The following SMAD1 variants were observed in gnomAD, a reference collection of about 807,000 sequenced individuals.
The protein encoded by SMAD1 is SMAD family member 1.
SMAD1 carries 6 observed loss-of-function variants against 41.6 expected under a neutral mutation model. That is an observed-to-expected ratio of 0.14 (90% confidence interval 0.08 to 0.28). The LOEUF (loss-of-function observed/expected upper bound fraction) is 0.28, where lower values mean the gene tolerates loss of function less well. Ranked by LOEUF, SMAD1 falls within the 10% of genes least tolerant of loss-of-function variation. The pLI, the probability that SMAD1 is intolerant of heterozygous loss-of-function variation, is 1.00. For synonymous variants in SMAD1, 206 were observed against 203.2 expected, an observed-to-expected ratio of 1.01 and a Z score of -0.12; for missense variants, 379 against 582.6, an observed-to-expected ratio of 0.65 and a Z score of 3.60.
At chr4:145,484,814 A>G (rs1202331289) in intron 1 of SMAD1, 1 of 152,182 alleles carries the variant, frequency 6.6e-6, no homozygotes, top group East Asian at 1.9e-4. Flanking sequence ...ATATCAGTGG[A>G]CCACATACTT....
chr4:145,525,869 G>T (rs1404327959), intron 2 of SMAD1: 1 of 152,132 alleles, frequency 6.6e-6, no homozygotes, highest in East Asian at 1.9e-4. Flanking sequence ...ACATTCTGTG[G>T]CTTAAATCAA....
chr4:145,488,476 T>TGTG (rs1728606392), intron 1 of SMAD1, among the ~76,000 whole-genome samples: 22 of 148,734 alleles, frequency 1.5e-4, no homozygotes, highest in Middle Eastern at 3.4e-3. Context: ...CCCTGTCTTT[T>TGTG]TGTGTGTGTG....
In SMAD1 at chr4:145,514,521, C is replaced by T; in HGVS notation, c.-93C>T. 8.1e-7 allele frequency: 1 copy of T among 1,229,116 alleles called. No homozygotes were observed. The highest frequency in any genetic ancestry group is 1.1e-6 in the Non-Finnish European group (1 of 885,666). The allele number at this position is 1,229,116 out of a possible 1,614,324, so 76.1% of individuals were successfully genotyped here. On this transcript the variant is annotated 5_prime_UTR_variant, in exon 2 of 7. Coordinates refer to ENST00000302085, the MANE Select transcript of SMAD1 (RefSeq NM_005900.3). This position sits in a 1 kb window ranked among gnomAD's most constrained non-coding sequence, Gnocchi z 4.7. The stretch of plus-strand genomic sequence containing the variant: ...TCAAACTAAGAAGTTAAAGAGACTT[C>T]TCTGTAAATAAACAAATCTCTTCTG...
intron 1 of SMAD1, chr4:145,502,799 AC>A (rs1317876392): frequency 3.3e-5 from 5 of 152,218 alleles, no homozygotes; most frequent in African/African-American, 1.2e-4. Flanking sequence ...CAGTGAACTT[AC>A]AAGTGGTAAG....
At chr4:145,508,949 G>A (rs987396632) in intron 1 of SMAD1, among the ~76,000 whole-genome samples, 2 of 152,240 alleles carry the variant, frequency 1.3e-5, no homozygotes, top group East Asian at 3.9e-4. Context: ...TTCTAATTCT[G>A]TCACCTTTGG....
At chr4:145,490,743 G>A (rs1042034834) in intron 1 of SMAD1, among the ~76,000 whole-genome samples, 1 of 152,120 alleles carries the variant, frequency 6.6e-6, no homozygotes, top group African/African-American at 2.4e-5. Context: ...TGTAGATAGA[G>A]CATTTCCCTA....
intron 3 of SMAD1, among the ~76,000 whole-genome samples, chr4:145,540,291 C>A (rs1469737538): frequency 6.6e-6 from 1 of 152,244 alleles, no homozygotes; most frequent in African/African-American, 2.4e-5. Flanking sequence ...GCTATATTTT[C>A]CCCTTGTTTT....
intron 2 of SMAD1, among the ~76,000 whole-genome samples, chr4:145,516,548 G>T (rs1730401079): frequency 6.6e-6 from 1 of 151,852 alleles, no homozygotes; most frequent in South Asian, 2.1e-4. Flanking sequence ...GTTACATTTT[G>T]TTACAGTTGC....
intron 1 of SMAD1, chr4:145,484,903 T>G (rs1038536444): frequency 6.6e-6 from 1 of 152,210 alleles, no homozygotes; most frequent in Non-Finnish European, 1.5e-5. Flanking sequence ...CTAGTCAAAC[T>G]TACCAGGCCT....
At chr4:145,490,272 G>T (rs2126937111) in intron 1 of SMAD1, among the ~76,000 whole-genome samples, 1 of 152,302 alleles carries the variant, frequency 6.6e-6, no homozygotes, top group Middle Eastern at 3.4e-3. Context: ...GTCTGAGAAA[G>T]AAACAGAATG....
intron 2 of SMAD1, among the ~76,000 whole-genome samples, chr4:145,527,124 A>C (rs1328854071): frequency 1.3e-5 from 2 of 152,132 alleles, no homozygotes; most frequent in African/African-American, 4.8e-5. Flanking sequence ...AAAAGGAATG[A>C]TATTATTAGA....
At chr4:145,502,712 A>G (rs576655253) in intron 1 of SMAD1, among the ~76,000 whole-genome samples, 1 of 152,250 alleles carries the variant, frequency 6.6e-6, no homozygotes, top group South Asian at 2.1e-4. Context: ...TGTCATTCTG[A>G]CATCCATAAG....
intron 2 of SMAD1, among the ~76,000 whole-genome samples, chr4:145,531,466 T>A (rs1489729305): frequency 6.6e-6 from 1 of 152,058 alleles, no homozygotes; most frequent in African/African-American, 2.4e-5. Flanking sequence ...GCCCTGGGCC[T>A]CCTTTCTGCT....
At chr4:145,528,032 T>C (rs1731120073) in intron 2 of SMAD1, among the ~76,000 whole-genome samples, 1 of 150,024 alleles carries the variant, frequency 6.7e-6, no homozygotes, top group African/African-American at 2.5e-5. Flanking sequence ...AGGCATGCAC[T>C]ACCACTCTCG....
chr4:145,546,797 C>G lies in SMAD1; in HGVS notation c.870C>G (p.Ser290=). The change falls in exon 5 of 7, where the codon TCC becomes TCG. Residue 290 remains serine (S), a synonymous_variant. Coordinates refer to ENST00000302085, the MANE Select transcript of SMAD1 (RefSeq NM_005900.3). The part of the protein sequence containing the change: ...NNRVGEAFHA[S]STSVLVDGFT... ...GTGTGGGTGAAGCGTTCCATGCCTC[C>G]TCCACAAGTGTGTTGGTGGATGGTT... 1 of 1,613,776 alleles carries G rather than the reference C, an allele frequency of 6.2e-7. No individual in the cohort carries two copies. Among genetic ancestry groups the G allele is most frequent in the South Asian group, 1.1e-5 (1 of 91,078 alleles).
chr4:145,526,603 G>A (rs763523880), intron 2 of SMAD1, among the ~76,000 whole-genome samples: 75 of 151,288 alleles, frequency 5.0e-4, no homozygotes, highest in Non-Finnish European at 1.0e-3. Flanking sequence ...GAGACAATTT[G>A]ATCAACGGAA....
chr4:145,510,948 T>A (rs934316299), intron 1 of SMAD1, among the ~76,000 whole-genome samples: 1 of 152,192 alleles, frequency 6.6e-6, no homozygotes, highest in Admixed American at 6.5e-5. Context: ...CCTTTTTTTC[T>A]TTTTTGTCTT....
rs752762368 is a variant in SMAD1, at chr4:145,542,667, G to T, written c.744G>T (p.Ala248=). ...AGCCGATGGACACAAACATGATGGC[G>T]CCTCCCCTGCCCTCAGAAATCAACA... The part of the protein sequence containing the change: ...GSQPMDTNMM[A]PPLPSEINRG... The change falls in exon 4 of 7, where the codon GCG becomes GCT. Residue 248 remains alanine (A), a synonymous_variant. Transcript: ENST00000302085. 1.2e-6 allele frequency: 2 copies of T among 1,612,200 alleles called. No homozygotes were observed. Among genetic ancestry groups the T allele is most frequent in the Admixed American group, 3.3e-5 (2 of 59,808 alleles).
Position 145,557,860 on chromosome 4 carries a change from G to A in SMAD1, c.1324G>A (p.Gly442Ser), listed in dbSNP as rs866688396. ...TPCWIEIHLHGPLQWLDKVLT... is the reference protein window; with the variant it reads ...TPCWIEIHLHSPLQWLDKVLT... ...CTGCTGGATTGAGATACATCTGCAC[G>A]GCCCCCTCCAGTGGCTGGATAAAGT... The change falls in exon 7 of 7, where the codon GGC (glycine) becomes AGC (serine). Residue 442 changes from glycine to serine, a missense_variant. Around this residue, in one of 3 missense-constraint regions of SMAD1, gnomAD observed 107 missense variants for 218.3 expected, o/e 0.49. Transcript: ENST00000302085. 13 of 1,612,072 alleles carry A rather than the reference G, an allele frequency of 8.1e-6. No homozygotes were observed. Among genetic ancestry groups the A allele is most frequent in the South Asian group, 1.1e-5 (1 of 90,834 alleles).
Sources: gnomAD v4.1 joint callset for allele counts (sites outside exome capture counted in the v4.1 genomes callset) on GRCh38, gnomAD v4.1.1 for gene constraint, gnomAD v4.1.1 regional missense constraint, Gnocchi (gnomAD v3.1) non-coding constraint, MANE v1.5 for transcripts, NCBI Gene and HGNC (gene_info 2026-07-23, HGNC 2026-07-21) for gene names.